Variants in WDR41 observed in about 807,000 individuals in gnomAD.
The protein encoded by WDR41 is WD repeat domain 41.
Under a neutral mutation model 69.3 loss-of-function variants are expected in WDR41, and 63 were observed. The observed-to-expected ratio is 0.91, with a 90% CI of 0.74 to 1.12. The LOEUF (loss-of-function observed/expected upper bound fraction) is 1.12, where lower values mean the gene tolerates loss of function less well. Among genes scored for constraint, WDR41 ranks in the 50% most tolerant of loss-of-function variants. The pLI, the probability that WDR41 is intolerant of heterozygous loss-of-function variation, is 0.00. For missense variants in WDR41, 543 were observed against 534.5 expected (o/e 1.02, Z -0.16); for synonymous variants, 185 against 192.1 (o/e 0.96, Z 0.31).
chr5:77,554,427 G>A (rs1024056625), intron 1 of WDR41, among the ~76,000 whole-genome samples: 1 of 152,022 alleles, frequency 6.6e-6, no homozygotes, highest in Non-Finnish European at 1.5e-5. Context: ...TCGTGAATAG[G>A]ATTAGTGCTC....
chr5:77,501,916 G>A (rs1312564135), intron 1 of WDR41, among the ~76,000 whole-genome samples: 2 of 152,196 alleles, frequency 1.3e-5, no homozygotes, highest in Non-Finnish European at 2.9e-5. Context: ...CACAAAGATG[G>A]AGAGAAATCA....
chr5:77,580,035 A>AT (rs1743907167), intron 1 of WDR41, among the ~76,000 whole-genome samples: 1 of 152,136 alleles, frequency 6.6e-6, no homozygotes, highest in Non-Finnish European at 1.5e-5. Context: ...TGCTACAAAA[A>AT]TAGAAGAAAA....
At chr5:77,541,077 G>T (rs562089871) in intron 1 of WDR41, among the ~76,000 whole-genome samples, 2 of 152,182 alleles carry the variant, frequency 1.3e-5, no homozygotes, top group Non-Finnish European at 2.9e-5. Context: ...AAAATTCTGT[G>T]TATGCACTTC....
At chr5:77,488,862 A>C (rs781370990) in intron 2 of WDR41, among the ~76,000 whole-genome samples, 5 of 152,240 alleles carry the variant, frequency 3.3e-5, no homozygotes, top group Non-Finnish European at 5.9e-5. Context: ...ATGCTATAAA[A>C]GATATACAGT....
At chr5:77,508,487 T>G (rs1296093080) in intron 1 of WDR41, among the ~76,000 whole-genome samples, 1 of 152,214 alleles carries the variant, frequency 6.6e-6, no homozygotes, top group East Asian at 1.9e-4. Context: ...CATCTTTTAC[T>G]TCTGTACACA....
chr5:77,564,356 C>G (rs1743578256), intron 1 of WDR41, among the ~76,000 whole-genome samples: 1 of 152,092 alleles, frequency 6.6e-6, no homozygotes, highest in African/African-American at 2.4e-5. Flanking sequence ...GAGTTTGAGA[C>G]CAGCCTAGGC....
Position 77,486,113 on chromosome 5 carries a change from A to G in WDR41, c.167+3344T>C, listed in dbSNP as rs79152430. 1.9e-3 allele frequency among the ~76,000 whole-genome samples: 292 copies of G among 152,360 alleles called. 10 individuals carry two copies. In the East Asian group the frequency reaches 0.048, roughly 25 times the overall value. On this transcript the variant is annotated intron_variant, in intron 2 of 12. Coordinates refer to ENST00000296679, the MANE Select transcript of WDR41 (RefSeq NM_018268.4). ...TATTAAGAGTAAAAACATTCGGTTA[A>G]TTCTGTTCATAATGTTTATACTTTG...
intron 1 of WDR41, among the ~76,000 whole-genome samples, chr5:77,506,990 C>G (rs1026560335): frequency 6.6e-6 from 1 of 152,138 alleles, no homozygotes; most frequent in Non-Finnish European, 1.5e-5. Context: ...ACCTGTGTAT[C>G]AAACCTGCAC....
In WDR41 at chr5:77,433,300, T is replaced by G. The variant is rs368053610; in HGVS notation, c.1228-13A>C. 5 of 1,606,998 alleles carry G rather than the reference T, an allele frequency of 3.1e-6. No homozygotes were observed. The African/African-American group carries it at 6.7e-5, about 22-fold the overall frequency. The stretch of plus-strand genomic sequence containing the variant: ...AGTATAGAAACATCTGTAAAGAAAA[T>G]TAAAACTGATTATAGGGACCCCGAA... On this transcript the variant is annotated splice_polypyrimidine_tract_variant and intron_variant, in intron 12 of 12. Transcript: ENST00000296679.
At chr5:77,506,887 G>C (rs186921535) in intron 1 of WDR41, among the ~76,000 whole-genome samples, 7 of 152,038 alleles carry the variant, frequency 4.6e-5, no homozygotes, top group South Asian at 4.2e-4. Flanking sequence ...GGGCCTGTAG[G>C]GGGTGGGGAG....
chr5:77,584,249 G>A (rs747392472), intron 1 of WDR41, among the ~76,000 whole-genome samples: 3 of 151,944 alleles, frequency 2.0e-5, no homozygotes, highest in Non-Finnish European at 4.4e-5. Context: ...GGCAATTAAG[G>A]AAGAAAAAGA....
chr5:77,491,730 G>A (rs1274142586), intron 1 of WDR41: 1 of 167,722 alleles, frequency 6.0e-6, no homozygotes, highest in African/African-American at 2.4e-5. Context: ...ATCAGTAGAC[G>A]CCAGGAAGAG....
chr5:77,497,825 A>G (rs1001105740), intron 1 of WDR41, among the ~76,000 whole-genome samples: 1 of 152,206 alleles, frequency 6.6e-6, no homozygotes, highest in African/African-American at 2.4e-5. Context: ...CACAATAGCC[A>G]AAAGCCGGAG....
intron 1 of WDR41, among the ~76,000 whole-genome samples, chr5:77,515,846 A>G (rs7711812): frequency 0.11 from 16,139 of 152,158 alleles, 1,024 homozygotes; most frequent in Middle Eastern, 0.2. Flanking sequence ...TAAATAAATA[A>G]CCCTCATTTT....
chr5:77,440,898 G>A lies in WDR41; in HGVS notation c.797C>T (p.Ser266Phe). 1 of 1,614,184 alleles carries A rather than the reference G, an allele frequency of 6.2e-7. No individual in the cohort carries two copies. Among genetic ancestry groups the A allele is most frequent in the Non-Finnish European group, 8.5e-7 (1 of 1,180,040 alleles). The change falls in exon 9 of 13, where the codon TCT (serine) becomes TTT (phenylalanine). Residue 266 changes from serine (S) to phenylalanine (F), a missense_variant. Physicochemically the swap from Ser to Phe is radical, Grantham distance 155. Coordinates refer to ENST00000296679, the MANE Select transcript of WDR41 (RefSeq NM_018268.4). ...QAYERNFWDP[S>F]PQLDTQQEIK... is the part of the protein sequence containing the mutation. ...TTCTTGTTGGGTGTCCAGTTGTGGA[G>A]ATGGGTCCCAGAAGTTGCGTTCATA...
At chr5:77,461,665 G>A (rs540863936) in intron 4 of WDR41, among the ~76,000 whole-genome samples, 35 of 152,022 alleles carry the variant, frequency 2.3e-4, no homozygotes, top group African/African-American at 6.5e-4. Flanking sequence ...GTGAAACCCC[G>A]TCTCTACTAA....
rs1167484265 is a variant in WDR41 at position 77,445,744 on chromosome 5, T to A, written c.697+4016A>T. ...TAACATCCTTTCATATTAAAAATTC[T>A]CAATAAACTAGGTATTGATAGAACA... On this transcript the variant is annotated intron_variant, in intron 8 of 12. Transcript: ENST00000296679. 2.6e-5 allele frequency among the ~76,000 whole-genome samples: 4 copies of A among 152,322 alleles called. No homozygotes were observed. In the East Asian group the frequency reaches 7.7e-4, roughly 29 times the overall value.
At chr5:77,539,901 C>A (rs1743056889) in intron 1 of WDR41, among the ~76,000 whole-genome samples, 1 of 152,180 alleles carries the variant, frequency 6.6e-6, no homozygotes, top group Non-Finnish European at 1.5e-5. Context: ...TACCTAACCA[C>A]CCTCCCAACA....
At chr5:77,486,284 T>A (rs1369545041) in intron 2 of WDR41, among the ~76,000 whole-genome samples, 1 of 152,220 alleles carries the variant, frequency 6.6e-6, no homozygotes, top group Admixed American at 6.5e-5. Flanking sequence ...GTTGATTATA[T>A]GTAAATTTGA....
Sources: allele counts gnomAD v4.1 joint callset (sites outside exome capture counted in the v4.1 genomes callset), GRCh38; gene constraint gnomAD v4.1.1; transcripts MANE v1.5; gene names NCBI Gene and HGNC (gene_info 2026-07-23, HGNC 2026-07-21).